CCSER1: variants seen among roughly 807,000 people sequenced by gnomAD.
The protein encoded by CCSER1 is coiled-coil serine rich protein 1, also known as serine-rich coiled-coil domain-containing protein 1.
In CCSER1, 41 loss-of-function variants were observed where a neutral mutation model predicts 82.0. That is an observed-to-expected ratio of 0.50 (90% CI 0.39 to 0.65). The LOEUF (loss-of-function observed/expected upper bound fraction) is 0.65. CCSER1 is among the 30% of genes least tolerant of loss of function. The pLI, the probability that CCSER1 is intolerant of heterozygous loss-of-function variation, is 0.00. For synonymous variants in CCSER1, 414 were observed against 383.9 expected (o/e 1.08, Z -0.92); for missense variants, 1,119 against 1,064.2 (o/e 1.05, Z -0.72).
chr4:91,374,957 T>A (rs1039010707), intron 10 of CCSER1, among the ~76,000 whole-genome samples: 1 of 152,172 alleles, frequency 6.6e-6, no homozygotes, highest in African/African-American at 2.4e-5. Flanking sequence ...GATCATCTCA[T>A]CACTGCATTC....
intron 10 of CCSER1, among the ~76,000 whole-genome samples, chr4:91,299,318 TA>T (rs563623172): frequency 4.6e-5 from 7 of 152,104 alleles, no homozygotes; most frequent in Admixed American, 4.6e-4. Context: ...AACTGTCTTT[TA>T]AAAAAATGCA....
intron 1 of CCSER1, among the ~76,000 whole-genome samples, chr4:90,255,821 T>A (rs1286834540): frequency 6.6e-6 from 1 of 152,182 alleles, no homozygotes; most frequent in Non-Finnish European, 1.5e-5. Flanking sequence ...ATGTTTATTT[T>A]CAGTGTTTGG....
In CCSER1 at chr4:91,410,604, A is replaced by G. The variant is rs1029803322; in HGVS notation, c.2218-187968A>G. On this transcript the variant is annotated intron_variant, in intron 10 of 10. Coordinates refer to ENST00000509176, the MANE Select transcript of CCSER1 (RefSeq NM_001145065.2). The stretch of plus-strand genomic sequence containing the variant: ...CAATGATAATCACTAGTTTCTTTAG[A>G]AAACTTAAATATTCTCTGCCTTATT... 2.6e-5 allele frequency among the ~76,000 whole-genome samples: 4 copies of G among 152,308 alleles called. No homozygotes were observed. The East Asian group carries it at 7.7e-4, about 29-fold the overall frequency.
At chr4:91,456,708 T>G (rs937556373) in intron 10 of CCSER1, among the ~76,000 whole-genome samples, 2 of 152,120 alleles carry the variant, frequency 1.3e-5, no homozygotes, top group African/African-American at 4.8e-5. Flanking sequence ...CCACTCATAC[T>G]TTCTGTTTTT....
intron 2 of CCSER1, among the ~76,000 whole-genome samples, chr4:90,312,304 T>C (rs1426122873): frequency 6.6e-6 from 1 of 152,036 alleles, no homozygotes; most frequent in Non-Finnish European, 1.5e-5. Flanking sequence ...AACAGGGTGC[T>C]CCTCCTGTCC....
At chr4:90,842,609 GT>G (rs1762715889) in intron 8 of CCSER1, among the ~76,000 whole-genome samples, 1 of 152,182 alleles carries the variant, frequency 6.6e-6, no homozygotes, top group East Asian at 1.9e-4. Context: ...GACCTGACAT[GT>G]CTGATCATTG....
intron 10 of CCSER1, among the ~76,000 whole-genome samples, chr4:91,180,807 G>T (rs931157419): frequency 6.6e-6 from 1 of 152,214 alleles, no homozygotes; most frequent in Non-Finnish European, 1.5e-5. Context: ...AGAGCTGAGA[G>T]CCCCTAACAG....
chr4:90,177,786 A>G lies in CCSER1; in HGVS notation c.-42+49955A>G, dbSNP rs537533685. On this transcript the variant is annotated intron_variant, in intron 1 of 10. Coordinates refer to ENST00000509176, the MANE Select transcript of CCSER1 (RefSeq NM_001145065.2). ...CTAAACCATTTAAGCAGTATCTCAT[A>G]GCAAGTGACAAAATATGTTCTGTTT... is the stretch of plus-strand genomic sequence containing the variant. Among the ~76,000 whole-genome samples the G allele has an allele frequency of 3.9e-5, 6 of 152,216 alleles. No individual in the cohort carries two copies. In the East Asian group the frequency reaches 1.2e-3, roughly 29 times the overall value.
intron 5 of CCSER1, among the ~76,000 whole-genome samples, chr4:90,566,685 G>C (rs575226275): frequency 3.3e-5 from 5 of 150,720 alleles, no homozygotes; most frequent in African/African-American, 4.9e-5. Flanking sequence ...TCACTGCAAG[G>C]TCCGCCTCCA....
At chr4:91,041,013 C>T (rs1741912633) in intron 9 of CCSER1, among the ~76,000 whole-genome samples, 1 of 151,926 alleles carries the variant, frequency 6.6e-6, no homozygotes, top group South Asian at 2.1e-4. Context: ...GCATCTTTTA[C>T]AGGGTAGGAA....
At chr4:90,592,104 G>T (rs986085159) in intron 5 of CCSER1, among the ~76,000 whole-genome samples, 1 of 152,074 alleles carries the variant, frequency 6.6e-6, no homozygotes, top group Non-Finnish European at 1.5e-5. Flanking sequence ...AAACCTAGAT[G>T]ACCTGTTGAT....
intron 10 of CCSER1, among the ~76,000 whole-genome samples, chr4:91,256,890 C>T (rs6830644): frequency 0.22 from 33,497 of 151,900 alleles, 4,247 homozygotes; most frequent in African/African-American, 0.34. Context: ...TTCCTCATGT[C>T]ATGCTTCTTG....
At chr4:91,415,129 A>T (rs565778784) in intron 10 of CCSER1, among the ~76,000 whole-genome samples, 26 of 152,112 alleles carry the variant, frequency 1.7e-4, no homozygotes, top group Non-Finnish European at 3.2e-4. Flanking sequence ...ATCAGAATAC[A>T]CATTCATCTT....
At position 90,932,986 on chromosome 4, in the gene CCSER1, A is replaced by AAGAAAGAAAGAAAGAAAGAAAGAAAG. The variant is rs1581131907; in HGVS notation, c.2172+9541_2172+9566dup. Among the ~76,000 whole-genome samples, 9 of 29,172 alleles carry AAGAAAGAAAGAAAGAAAGAAAGAAAG rather than the reference A, an allele frequency of 3.1e-4. 1 individual carries two copies. Among genetic ancestry groups the AAGAAAGAAAGAAAGAAAGAAAGAAAG allele is most frequent in the South Asian group, 8.5e-4 (1 of 1,172 alleles). 19.1% of individuals were successfully genotyped at this position (29,172 alleles called of 152,430 possible). A position where few individuals can be genotyped will look rare whatever the true frequency, so the allele number is the denominator to read the frequency against. On this transcript the variant is annotated intron_variant, in intron 9 of 10. Coordinates refer to ENST00000509176, the MANE Select transcript of CCSER1 (RefSeq NM_001145065.2). ...AGAAAGAAAGAAAGAAAGAAAGAGAAAGAAAGAAAGAAAGAAAGAAAGAAA... is the reference window on the plus strand; with the variant it reads ...AGAAAGAAAGAAAGAAAGAAAGAGAAAGAAAGAAAGAAAGAAAGAAAGAAAGAGAAAGAAAGAAAGAAAGAAAGAAA...
At chr4:91,249,762 T>A (rs986940575) in intron 10 of CCSER1, among the ~76,000 whole-genome samples, 4 of 152,170 alleles carry the variant, frequency 2.6e-5, no homozygotes, top group Admixed American at 2.6e-4. Context: ...TAAGAAAATA[T>A]CTATTAAGTT....
intron 10 of CCSER1, among the ~76,000 whole-genome samples, chr4:91,533,001 C>A (rs145110784): frequency 0.011 from 1,673 of 152,146 alleles, 11 homozygotes; most frequent in African/African-American, 0.022. Flanking sequence ...GTTGATTTTT[C>A]ATCATTCATT....
At chr4:91,081,231 C>T (rs1487705797) in intron 9 of CCSER1, among the ~76,000 whole-genome samples, 1 of 152,128 alleles carries the variant, frequency 6.6e-6, no homozygotes, top group African/African-American at 2.4e-5. Flanking sequence ...GGCTTCATCC[C>T]TGGGATGCAA....
At chr4:90,573,684 G>A (rs975827099) in intron 5 of CCSER1, among the ~76,000 whole-genome samples, 5 of 152,042 alleles carry the variant, frequency 3.3e-5, no homozygotes, top group Non-Finnish European at 5.9e-5. Context: ...GAAAGTTGCT[G>A]GAGGGTCCTA....
intron 10 of CCSER1, among the ~76,000 whole-genome samples, chr4:91,518,092 G>A (rs1460939964): frequency 6.6e-6 from 1 of 152,130 alleles, no homozygotes; most frequent in Non-Finnish European, 1.5e-5. Flanking sequence ...TTGAGTGCTG[G>A]CTGCAGATCT....
Sources: gnomAD v4.1 joint callset for allele counts (sites outside exome capture counted in the v4.1 genomes callset) on GRCh38, gnomAD v4.1.1 for gene constraint, MANE v1.5 for transcripts, NCBI Gene and HGNC (gene_info 2026-07-23, HGNC 2026-07-21) for gene names.